The following PCDHGB4 variants were observed in gnomAD, a reference collection of about 807,000 sequenced individuals.
PCDHGB4 encodes protocadherin gamma subfamily B, 4.
In PCDHGB4, 38 loss-of-function variants were observed where a neutral mutation model predicts 60.5. The observed-to-expected ratio is 0.63, with a 90% confidence interval of 0.48 to 0.82. The LOEUF (loss-of-function observed/expected upper bound fraction) is 0.82. Among genes scored for constraint, PCDHGB4 ranks in the 40% least tolerant of loss-of-function variants. The probability of loss-of-function intolerance (pLI) is 0.00; values close to 1 mark genes in which losing one functional copy is unlikely to be tolerated. For synonymous variants in PCDHGB4, 456 were observed against 509.7 expected (o/e 0.89, Z 1.42); for missense variants, 1,109 against 1,209.6 (o/e 0.92, Z 1.23).
chr5:141,486,644 T>G lies in PCDHGB4; in HGVS notation c.2398-8163T>G, dbSNP rs765487821. ...AGACTCTGGCTTGAATGCGCTTATC[T>G]CCTACTCACTCCTGGAGCCCAGGAA... On this transcript the variant is annotated intron_variant, in intron 1 of 3. Transcript: ENST00000519479. This position sits in a 1 kb window ranked among gnomAD's most constrained non-coding sequence, Gnocchi z 5.0. 9.3e-6 allele frequency: 15 copies of G among 1,613,722 alleles called. 2 individuals carry two copies. The Middle Eastern group carries it at 6.6e-4, about 71-fold the overall frequency.
intron 1 of PCDHGB4, among the ~76,000 whole-genome samples, chr5:141,435,840 T>G (rs1408413470): frequency 6.6e-6 from 1 of 152,118 alleles, no homozygotes; most frequent in Non-Finnish European, 1.5e-5. Context: ...CCTATCTACT[T>G]TGAAAGATAC....
intron 1 of PCDHGB4, among the ~76,000 whole-genome samples, chr5:141,437,499 CA>C (rs2097890101): frequency 6.6e-6 from 1 of 152,076 alleles, no homozygotes; most frequent in African/African-American, 2.4e-5. Context: ...GATCACTTTT[CA>C]ATGAATTATA....
Position 141,477,376 on chromosome 5 carries a change from G to A in PCDHGB4, c.2398-17431G>A. The A allele has an allele frequency of 6.2e-7, 1 of 1,614,146 alleles. No homozygotes were observed. Among genetic ancestry groups the A allele is most frequent in the Non-Finnish European group, 8.5e-7 (1 of 1,180,026 alleles). ...GTGCAGACCTGGATCGGGAGACTGT[G>A]CCAGAATACAACCTCAGCATCACCG... On this transcript the variant is annotated intron_variant, in intron 1 of 3. Transcript: ENST00000519479. This position sits in a 1 kb window ranked among gnomAD's most constrained non-coding sequence, Gnocchi z 4.9.
In PCDHGB4 at chr5:141,422,020, G is replaced by T. The variant is rs374562798; in HGVS notation, c.2397+31739G>T. The T allele has an allele frequency of 1.3e-5, 21 of 1,610,932 alleles. No individual in the cohort carries two copies. The East Asian group carries it at 3.8e-4, about 29-fold the overall frequency. On this transcript the variant is annotated intron_variant, in intron 1 of 3. Transcript: ENST00000519479. ...CAGCTCCGGAACTCGGGTGCTGATG[G>T]TTAATGCAACGGATCCAGACGAGGG...
chr5:141,444,364 T>C (rs1191889941), intron 1 of PCDHGB4, among the ~76,000 whole-genome samples: 2 of 151,718 alleles, frequency 1.3e-5, no homozygotes, highest in Admixed American at 1.3e-4. Context: ...AGAGACGGGG[T>C]TTCTCCATGT....
chr5:141,460,961 ATGTGTGTG>A (rs35821115), intron 1 of PCDHGB4, among the ~76,000 whole-genome samples: 11 of 144,552 alleles, frequency 7.6e-5, no homozygotes, highest in South Asian at 2.2e-4. Context: ...GTATATATAT[ATGTGTGTG>A]TGTGTGTGTG....
intron 1 of PCDHGB4, chr5:141,399,654 G>A (rs2093857278): frequency 1.2e-6 from 2 of 1,613,586 alleles, no homozygotes. Flanking sequence ...AAAGTGGGGT[G>A]GTGTTCGCGC....
chr5:141,437,881 G>A (rs1317504695), intron 1 of PCDHGB4, among the ~76,000 whole-genome samples: 4 of 152,026 alleles, frequency 2.6e-5, no homozygotes, highest in Admixed American at 2.6e-4. Flanking sequence ...GGGACTACAG[G>A]CACACGCCAC....
chr5:141,427,810 G>A (rs2097074260), intron 1 of PCDHGB4: 1 of 1,523,990 alleles, frequency 6.6e-7, no homozygotes, highest in Non-Finnish European at 9.0e-7. Flanking sequence ...AGCGCACAGA[G>A]CGGGGTGGTG....
chr5:141,478,381 C>A (rs931860600), intron 1 of PCDHGB4: 1 of 1,613,664 alleles, frequency 6.2e-7, no homozygotes, highest in Admixed American at 1.7e-5. Flanking sequence ...TGTCGCCGCA[C>A]CTTTACCATC....
rs778589637 is a variant in PCDHGB4 at position 141,487,133 on chromosome 5, C to T, written c.2398-7674C>T. On this transcript the variant is annotated intron_variant, in intron 1 of 3. Coordinates refer to ENST00000519479, the MANE Select transcript of PCDHGB4 (RefSeq NM_003736.4). The surrounding 1 kb of genome is among the most constrained non-coding windows in gnomAD (Gnocchi z 5.0). ...TGTGGTAAAGGATAGTGGTAGTCCA[C>T]CACTCTCTACCTCTGTTACTCTCTT... 8.7e-6 allele frequency: 14 copies of T among 1,613,932 alleles called. No homozygotes were observed. In the South Asian group the frequency reaches 1.5e-4, roughly 18 times the overall value.
At chr5:141,446,669 C>T (rs554578186) in intron 1 of PCDHGB4, among the ~76,000 whole-genome samples, 2 of 152,182 alleles carry the variant, frequency 1.3e-5, no homozygotes, top group Admixed American at 1.3e-4. Flanking sequence ...TACAAGACAG[C>T]ATTTCACCAT....
intron 1 of PCDHGB4, chr5:141,417,960 G>T (rs2096199953): frequency 1.2e-6 from 2 of 1,613,624 alleles, no homozygotes; most frequent in African/African-American, 1.3e-5. Context: ...GAGCCGATCC[G>T]CTACTCGATT....
chr5:141,448,496 G>A (rs1277705943), intron 1 of PCDHGB4, among the ~76,000 whole-genome samples: 1 of 152,024 alleles, frequency 6.6e-6, no homozygotes, highest in Non-Finnish European at 1.5e-5. Flanking sequence ...GTCCCCTGTA[G>A]GTAAACATTT....
At position 141,512,280 on chromosome 5, in the gene PCDHGB4, TGGAAGGGTCAGC is replaced by T. The variant is rs1187119941; in HGVS notation, c.*1111_*1122del. The T allele has an allele frequency of 1.3e-5, 2 of 152,682 alleles. No individual in the cohort carries two copies. Among genetic ancestry groups the T allele is most frequent in the African/African-American group, 2.4e-5 (1 of 41,396 alleles). 9.5% of individuals were successfully genotyped at this position (152,682 alleles called of 1,614,324 possible). ...CTGGGTACTCCAGAGGTGCCACTGGTGGAAGGGTCAGCGGAGCCCCAGCAGGAAGGGTGGGCC... is the reference window on the plus strand; with the variant it reads ...CTGGGTACTCCAGAGGTGCCACTGGTGGAGCCCCAGCAGGAAGGGTGGGCC... On this transcript the variant is annotated 3_prime_UTR_variant, in exon 4 of 4. Transcript: ENST00000519479.
intron 1 of PCDHGB4, chr5:141,428,860 CT>C (rs34152666): frequency 0.3 from 42,955 of 145,250 alleles, 7,185 homozygotes; most frequent in African/African-American, 0.5. Flanking sequence ...TTACGGGAGA[CT>C]TTTTTTTTTT....
chr5:141,458,390 C>T (rs2098944487), intron 1 of PCDHGB4, among the ~76,000 whole-genome samples: 1 of 152,058 alleles, frequency 6.6e-6, no homozygotes, highest in Non-Finnish European at 1.5e-5. Context: ...GAAGACGCTC[C>T]CCCTTGCAGA....
Position 141,409,737 on chromosome 5 carries a change from G to C in PCDHGB4, c.2397+19456G>C, listed in dbSNP as rs199531162. The C allele has an allele frequency of 1.4e-3, 2,254 of 1,613,108 alleles. 2 individuals carry two copies. Among genetic ancestry groups the C allele is most frequent in the Non-Finnish European group, 1.8e-3 (2,079 of 1,179,866 alleles). On this transcript the variant is annotated intron_variant, in intron 1 of 3. Coordinates refer to ENST00000519479, the MANE Select transcript of PCDHGB4 (RefSeq NM_003736.4). ...TACGTGTCAGTGAGCGCGCAGAGCGGGGTGGTGTTCGCGCAGCGCGCCTTT... is the reference window on the plus strand; with the variant it reads ...TACGTGTCAGTGAGCGCGCAGAGCGCGGTGGTGTTCGCGCAGCGCGCCTTT...
chr5:141,489,312 G>A lies in PCDHGB4; in HGVS notation c.2398-5495G>A, dbSNP rs745541067. The A allele has an allele frequency of 2.5e-6, 4 of 1,594,972 alleles. No homozygotes were observed. The highest frequency in any genetic ancestry group is 2.6e-6 in the Non-Finnish European group (3 of 1,169,822). On this transcript the variant is annotated intron_variant, in intron 1 of 3. Transcript: ENST00000519479. This position sits in a 1 kb window ranked among gnomAD's most constrained non-coding sequence, Gnocchi z 4.5. ...TGTGCATGTTGTCCTTGTGCTGCTG[G>A]GGCTGGGTGTCTGGGCAGCTTCGTT...
Sources: allele counts gnomAD v4.1 joint callset (sites outside exome capture counted in the v4.1 genomes callset), GRCh38; gene constraint gnomAD v4.1.1; non-coding constraint Gnocchi (gnomAD v3.1); transcripts MANE v1.5; gene names NCBI Gene and HGNC (gene_info 2026-07-23, HGNC 2026-07-21).